The following DENND2B variants were observed in gnomAD, a reference collection of about 807,000 sequenced individuals.
DENND2B encodes the protein DENN domain-containing protein 2B.
A neutral mutation model predicts 116.0 loss-of-function variants in DENND2B; 32 were observed. The ratio of observed to expected loss-of-function variants is 0.28; its 90% CI spans 0.21 to 0.37. The LOEUF (loss-of-function observed/expected upper bound fraction) is 0.37. Among genes scored for constraint, DENND2B ranks in the 10% least tolerant of loss-of-function variants. The probability of loss-of-function intolerance (pLI) is 1.00; values close to 1 mark genes in which losing one functional copy is unlikely to be tolerated. For missense variants in DENND2B, 1,276 were observed against 1,477.7 expected (o/e 0.86, Z 2.24); for synonymous variants, 588 against 583.9 (o/e 1.01, Z -0.10).
At chr11:8,842,947 A>C (rs908663778) in intron 3 of DENND2B, among the ~76,000 whole-genome samples, 12 of 152,286 alleles carry the variant, frequency 7.9e-5, no homozygotes, top group African/African-American at 1.7e-4. Flanking sequence ...CAAATTCAAA[A>C]ATCAGGACAA....
At chr11:8,896,474 C>A (rs2064103260) in intron 1 of DENND2B, among the ~76,000 whole-genome samples, 1 of 152,156 alleles carries the variant, frequency 6.6e-6, no homozygotes. Flanking sequence ...TAAAACTCTA[C>A]ACAAGGAACA....
intron 4 of DENND2B, among the ~76,000 whole-genome samples, chr11:8,833,126 C>A (rs61876202): frequency 0.27 from 40,951 of 152,140 alleles, 5,783 homozygotes; most frequent in East Asian, 0.53. Flanking sequence ...AGCAGATGGG[C>A]TCTAATGCCT....
chr11:8,717,641 G>A (rs979578862), intron 5 of DENND2B, 100 bp downstream of exon 5: 2 of 1,408,136 alleles, frequency 1.4e-6, no homozygotes, highest in East Asian at 2.4e-5. Flanking sequence ...TACTAGTGAG[G>A]GTAAAAGCCT....
At chr11:8,756,265 C>T (rs911539678) in intron 1 of DENND2B, among the ~76,000 whole-genome samples, 1 of 152,214 alleles carries the variant, frequency 6.6e-6, no homozygotes, top group Non-Finnish European at 1.5e-5. Flanking sequence ...GGAGGGTAGA[C>T]TCACTGCTCT....
chr11:8,774,747 C>T (rs940187181), intron 1 of DENND2B, among the ~76,000 whole-genome samples: 3 of 152,286 alleles, frequency 2.0e-5, no homozygotes, highest in East Asian at 1.9e-4. Context: ...AGCCCAACCC[C>T]GGGGCCTCAG....
At position 8,712,759 on chromosome 11, in the gene DENND2B, GA is replaced by G; in HGVS notation, c.1988-25del. Reference sequence around the variant, plus strand: ...GGCTGGAGGCAGGTTGCACATCAGGGAATGGACCCTCACAGGCCTCATGTTA... The same window carrying G: ...GGCTGGAGGCAGGTTGCACATCAGGGATGGACCCTCACAGGCCTCATGTTA... On this transcript the variant is annotated intron_variant, in intron 8 of 19. Coordinates refer to ENST00000313726, the MANE Select transcript of DENND2B (RefSeq NM_213618.2). The surrounding 1 kb of genome is among the most constrained non-coding windows in gnomAD (Gnocchi z 4.4). The G allele has an allele frequency of 6.3e-7, 1 of 1,598,428 alleles. No homozygotes were observed. The highest frequency in any genetic ancestry group is 8.5e-7 in the Non-Finnish European group (1 of 1,172,814).
chr11:8,786,098 T>C (rs893963577), intron 1 of DENND2B, among the ~76,000 whole-genome samples: 4 of 152,218 alleles, frequency 2.6e-5, no homozygotes, highest in African/African-American at 9.6e-5. Flanking sequence ...ATGATATAAA[T>C]CCATGCCCCT....
rs751485862 is a variant in DENND2B, at chr11:8,876,770, T to C, written c.-156+4240A>G. 9.2e-4 allele frequency among the ~76,000 whole-genome samples: 139 copies of C among 151,214 alleles called. 1 individual carries two copies. The highest frequency in any genetic ancestry group is 1.0e-3 in the Non-Finnish European group (71 of 67,848). On this transcript the variant is annotated intron_variant, in intron 2 of 22. Coordinates refer to the DENND2B transcript ENST00000534127. ...GCGAGCACCTGTAATCCCAGCTACT[T>C]GGGAAGCTAAGACAGGGAGAATTGC...
At chr11:8,816,491 CAG>C (rs765684937) in intron 4 of DENND2B, among the ~76,000 whole-genome samples, 2 of 149,318 alleles carry the variant, frequency 1.3e-5, no homozygotes, top group Non-Finnish European at 3.0e-5. Context: ...GTTAAGGCTG[CAG>C]AGAGACATCA....
intron 2 of DENND2B, among the ~76,000 whole-genome samples, chr11:8,880,345 C>CTGGG (rs71485245): frequency 0.052 from 6,226 of 120,606 alleles, 155 homozygotes; most frequent in South Asian, 0.098. Flanking sequence ...TCACTTTGAA[C>CTGGG]TGTGTGTGTG....
intron 2 of DENND2B, among the ~76,000 whole-genome samples, chr11:8,859,099 T>A (rs2063298662): frequency 6.6e-6 from 1 of 152,180 alleles, no homozygotes; most frequent in African/African-American, 2.4e-5. Context: ...AGCCTGCACG[T>A]CCTAAACCTT....
Position 8,804,608 on chromosome 11 carries a change from G to A in DENND2B, c.-26+5909C>T, listed in dbSNP as rs182535226. 4.2e-4 allele frequency among the ~76,000 whole-genome samples: 63 copies of A among 148,450 alleles called. No individual in the cohort carries two copies. In the East Asian group the frequency reaches 8.4e-3, roughly 20 times the overall value. ...CGCCCAGGCTGGAGTGCAGTGGTGC[G>A]ATCTCAGCTCACTGCAACCTCCGCC... On this transcript the variant is annotated intron_variant, in intron 1 of 19. Coordinates refer to ENST00000313726, the MANE Select transcript of DENND2B (RefSeq NM_213618.2).
chr11:8,878,685 A>G (rs1209687102), intron 2 of DENND2B, among the ~76,000 whole-genome samples: 1 of 152,186 alleles, frequency 6.6e-6, no homozygotes, highest in African/African-American at 2.4e-5. Flanking sequence ...CCAGCCATGA[A>G]TGGATTTTTT....
At chr11:8,858,307 G>T (rs562785025) in intron 2 of DENND2B, among the ~76,000 whole-genome samples, 3 of 152,260 alleles carry the variant, frequency 2.0e-5, no homozygotes, top group East Asian at 3.9e-4. Flanking sequence ...ACTTCATGGA[G>T]TTTATTTATT....
intron 1 of DENND2B, among the ~76,000 whole-genome samples, chr11:8,773,647 C>G (rs1052469837): frequency 5.3e-5 from 8 of 152,170 alleles, no homozygotes; most frequent in Admixed American, 2.6e-4. Context: ...TGAGGCAGAG[C>G]AGAACTGGGG....
At chr11:8,784,720 C>T (rs1404179411) in intron 1 of DENND2B, among the ~76,000 whole-genome samples, 1 of 152,050 alleles carries the variant, frequency 6.6e-6, no homozygotes, top group Non-Finnish European at 1.5e-5. Flanking sequence ...CGCCTGTAAT[C>T]CCAGCTACTT....
At chr11:8,855,560 C>T (rs901721733) in intron 3 of DENND2B, among the ~76,000 whole-genome samples, 2 of 151,766 alleles carry the variant, frequency 1.3e-5, no homozygotes, top group African/African-American at 2.4e-5. Flanking sequence ...GCAAAGAGCC[C>T]GAGAAATACC....
chr11:8,809,245 C>G (rs1264616137), intron 1 of DENND2B: 2 of 152,198 alleles, frequency 1.3e-5, no homozygotes, highest in African/African-American at 4.8e-5. Flanking sequence ...TTTAGGGAGC[C>G]GGAACTGGGG....
chr11:8,896,383 G>C (rs551334841), intron 1 of DENND2B, among the ~76,000 whole-genome samples: 2 of 152,294 alleles, frequency 1.3e-5, no homozygotes, highest in South Asian at 4.1e-4. Flanking sequence ...TATAAAATTG[G>C]AAGGGAACAG....
Sources: allele counts gnomAD v4.1 joint callset (sites outside exome capture counted in the v4.1 genomes callset), GRCh38; gene constraint gnomAD v4.1.1; non-coding constraint Gnocchi (gnomAD v3.1); transcripts MANE v1.5; gene names NCBI Gene and HGNC (gene_info 2026-07-23, HGNC 2026-07-21).